HEBP2: variants seen among roughly 807,000 people sequenced by gnomAD.
HEBP2 encodes the protein heme binding protein 2.
A neutral mutation model predicts 23.1 loss-of-function variants in HEBP2; 27 were observed. The ratio of observed to expected loss-of-function variants is 1.17; its 90% CI spans 0.86 to 1.61. HEBP2 has a LOEUF of 1.61. Ranked by LOEUF, HEBP2 falls within the 40% of genes most tolerant of loss-of-function variation. HEBP2 has a pLI of 0.00. For synonymous variants in HEBP2, 99 were observed against 95.1 expected (o/e 1.04, Z -0.24); for missense variants, 245 against 253.8 (o/e 0.97, Z 0.24).
rs1332395454 is a variant in HEBP2, at chr6:138,405,128, T to C, written c.103-17T>C. 2 of 1,603,340 alleles carry C rather than the reference T, an allele frequency of 1.2e-6. No homozygotes were observed. The highest frequency in any genetic ancestry group is 1.7e-6 in the Non-Finnish European group (2 of 1,177,132). On this transcript the variant is annotated splice_polypyrimidine_tract_variant and intron_variant, in intron 1 of 3. Coordinates refer to ENST00000607197, the MANE Select transcript of HEBP2 (RefSeq NM_014320.3). ...CTCTTAGAATTGCTTCTCGAAGTTT[T>C]CTCTGTTCCACTTTAGCCCGGAAGT...
intron 3 of HEBP2, among the ~76,000 whole-genome samples, chr6:138,410,499 G>C (rs1192862868): frequency 8.5e-6 from 1 of 117,962 alleles, no homozygotes; most frequent in African/African-American, 3.2e-5. Context: ...TTTTTTTTCT[G>C]AGATGGAGTT....
In HEBP2 at chr6:138,420,619, T is replaced by C. The variant is rs1164008998; in HGVS notation, c.*7541T>C. 6.6e-6 allele frequency: 1 copy of C among 152,238 alleles called. No homozygotes were observed. The highest frequency in any genetic ancestry group is 1.5e-5 in the Non-Finnish European group (1 of 68,100). 9.4% of individuals were successfully genotyped at this position (152,238 alleles called of 1,614,324 possible). A position where few individuals can be genotyped will look rare whatever the true frequency, so the allele number is the denominator to read the frequency against. On this transcript the variant is annotated 3_prime_UTR_variant, in exon 4 of 4. Coordinates refer to ENST00000607197, the MANE Select transcript of HEBP2 (RefSeq NM_014320.3). Reference sequence around the variant, plus strand: ...CAATGATTTCACTAAATTATGGAAATTGAGAGCATGCTTTTCTGAGGGGGC... The same window carrying C: ...CAATGATTTCACTAAATTATGGAAACTGAGAGCATGCTTTTCTGAGGGGGC...
At position 138,407,488 on chromosome 6, in the gene HEBP2, GC is replaced by G. The variant is rs1774668876; in HGVS notation, c.419+1342del. On this transcript the variant is annotated intron_variant, in intron 3 of 3. Transcript: ENST00000607197. The stretch of plus-strand genomic sequence containing the variant: ...TGAAGCTCTGCTGAACAGAGGTTGG[GC>G]CCCCAAGGCTTCAAGTGGCCCTGGC... Among the ~76,000 whole-genome samples, 5 of 152,226 alleles carry G rather than the reference GC, an allele frequency of 3.3e-5. No homozygotes were observed. In the South Asian group the frequency reaches 1.0e-3, roughly 31 times the overall value.
chr6:138,405,099 T>C, intron 1 of HEBP2, 46 bp from the exon 2 acceptor site: 1 of 1,601,330 alleles, frequency 6.2e-7, no homozygotes, highest in Non-Finnish European at 8.5e-7. Context: ...ATCTCACTCC[T>C]ACCCTCTTAG....
rs79697354 is a variant in HEBP2 at position 138,414,899 on chromosome 6, A to G, written c.*1821A>G. 27 of 152,188 alleles carry G rather than the reference A, an allele frequency of 1.8e-4. No individual in the cohort carries two copies. The highest frequency in any genetic ancestry group is 6.3e-4 in the African/African-American group (26 of 41,448). 9.4% of individuals were successfully genotyped at this position (152,188 alleles called of 1,614,324 possible). Reference sequence around the variant, plus strand: ...CCTAGTGAGACTGTCTGTCCAAAAAATAAAAAATTAGCCAAGCGTGGTGGC... The same window carrying G: ...CCTAGTGAGACTGTCTGTCCAAAAAGTAAAAAATTAGCCAAGCGTGGTGGC... On this transcript the variant is annotated 3_prime_UTR_variant, in exon 4 of 4. Transcript: ENST00000607197.
Position 138,404,226 on chromosome 6 carries a change from T to G in HEBP2, c.-270T>G. 1 of 305,268 alleles carries G rather than the reference T, an allele frequency of 3.3e-6. No individual in the cohort carries two copies. Among genetic ancestry groups the G allele is most frequent in the Non-Finnish European group, 6.0e-6 (1 of 167,128 alleles). The allele number at this position is 305,268 out of a possible 1,614,324, so 18.9% of individuals were successfully genotyped here. ...CGGGCCGAAGCGAGGTGCGGCTCCCTGTCGCCGCGGAGGGGCGGGGGCAGG... is the reference window on the plus strand; with the variant it reads ...CGGGCCGAAGCGAGGTGCGGCTCCCGGTCGCCGCGGAGGGGCGGGGGCAGG... On this transcript the variant is annotated 5_prime_UTR_variant, in exon 1 of 4. Coordinates refer to ENST00000607197, the MANE Select transcript of HEBP2 (RefSeq NM_014320.3).
At chr6:138,406,941 G>C (rs1774656027) in intron 3 of HEBP2, among the ~76,000 whole-genome samples, 1 of 152,106 alleles carries the variant, frequency 6.6e-6, no homozygotes, top group Non-Finnish European at 1.5e-5. Context: ...TGAGGTAGGA[G>C]GATCACTTGG....
chr6:138,417,642 G>A lies in HEBP2; in HGVS notation c.*4564G>A, dbSNP rs1161186276. On this transcript the variant is annotated 3_prime_UTR_variant, in exon 4 of 4. Transcript: ENST00000607197. Reference sequence around the variant, plus strand: ...ACCAGTGGTCCTGCTGTGTTGAGGAGATGGAGATCAGTGTCACCGGAGGCC... The same window carrying A: ...ACCAGTGGTCCTGCTGTGTTGAGGAAATGGAGATCAGTGTCACCGGAGGCC... 2 of 152,532 alleles carry A rather than the reference G, an allele frequency of 1.3e-5. No homozygotes were observed. The highest frequency in any genetic ancestry group is 3.8e-4 in the East Asian group (2 of 5,196). The allele number at this position is 152,532 out of a possible 1,614,324, so 9.4% of individuals were successfully genotyped here.
upstream of HEBP2, chr6:138,404,169 CG>C (rs1774587756): frequency 4.1e-6 from 1 of 244,716 alleles, no homozygotes; most frequent in African/African-American, 2.7e-5. Flanking sequence ...AAAACAAAGG[CG>C]GGGCGGGGGC....
rs1424865060 is a variant in HEBP2, at chr6:138,405,986, T to C, written c.254T>C (p.Met85Thr). 3 of 1,611,962 alleles carry C rather than the reference T, an allele frequency of 1.9e-6. No individual in the cohort carries two copies. Among genetic ancestry groups the C allele is most frequent in the Admixed American group, 3.4e-5 (2 of 59,524 alleles). Residue 85 changes from methionine to threonine, a missense_variant, in exon 3 of 4, where the codon ATG becomes ACG. Met to Thr is a moderately conservative substitution (Grantham distance 81). Transcript: ENST00000607197. ...GKNEKEMKIKMTAPVTSYVEP... is the reference protein window; with the variant it reads ...GKNEKEMKIKTTAPVTSYVEP... Reference sequence around the variant, plus strand: ...TATGTCACAGAGATGAAAATAAAGATGACAGCTCCAGTGACAAGCTACGTG... The same window carrying C: ...TATGTCACAGAGATGAAAATAAAGACGACAGCTCCAGTGACAAGCTACGTG...
At chr6:138,409,452 C>T (rs1037666078) in intron 3 of HEBP2, among the ~76,000 whole-genome samples, 3 of 152,234 alleles carry the variant, frequency 2.0e-5, no homozygotes, top group Non-Finnish European at 2.9e-5. Context: ...TTGTGACTTA[C>T]TCGGGTCTTC....
rs1190735010 is a variant in HEBP2, at chr6:138,414,099, A to T, written c.*1021A>T. The T allele has an allele frequency of 1.3e-5, 2 of 152,472 alleles. No homozygotes were observed. The highest frequency in any genetic ancestry group is 4.8e-5 in the African/African-American group (2 of 41,456). 9.4% of individuals were successfully genotyped at this position (152,472 alleles called of 1,614,324 possible). On this transcript the variant is annotated 3_prime_UTR_variant, in exon 4 of 4. Coordinates refer to ENST00000607197, the MANE Select transcript of HEBP2 (RefSeq NM_014320.3). ...CTCTCAAGAGACAGTTGAGACTTGAATGACGAGGATGAGTCAGATGAAAGC... is the reference window on the plus strand; with the variant it reads ...CTCTCAAGAGACAGTTGAGACTTGATTGACGAGGATGAGTCAGATGAAAGC...
At chr6:138,411,995 C>T (rs928623022) in intron 3 of HEBP2, 15 of 411,428 alleles carry the variant, frequency 3.6e-5, no homozygotes, top group Admixed American at 1.2e-4. Flanking sequence ...GCTGCCAGAA[C>T]GTTGATCTCT....
chr6:138,408,961 C>T (rs1413314788), intron 3 of HEBP2, among the ~76,000 whole-genome samples: 1 of 152,184 alleles, frequency 6.6e-6, no homozygotes, highest in Non-Finnish European at 1.5e-5. Flanking sequence ...TGCCCAATTC[C>T]CACATCTCTG....
At chr6:138,410,203 T>C (rs1279049780) in intron 3 of HEBP2, among the ~76,000 whole-genome samples, 1 of 152,204 alleles carries the variant, frequency 6.6e-6, no homozygotes, top group Non-Finnish European at 1.5e-5. Context: ...AGCATGTTAC[T>C]ATGTCCATAT....
Position 138,413,138 on chromosome 6 carries a change from C to A in HEBP2, c.*60C>A. On this transcript the variant is annotated 3_prime_UTR_variant, in exon 4 of 4. Coordinates refer to ENST00000607197, the MANE Select transcript of HEBP2 (RefSeq NM_014320.3). Reference sequence around the variant, plus strand: ...AACATCTGTTTATCATAGACATCAACATGACCTATAAGTAAAGTGCGTGTC... The same window carrying A: ...AACATCTGTTTATCATAGACATCAAAATGACCTATAAGTAAAGTGCGTGTC... 1 of 1,316,100 alleles carries A rather than the reference C, an allele frequency of 7.6e-7. No homozygotes were observed. The highest frequency in any genetic ancestry group is 1.1e-6 in the Non-Finnish European group (1 of 916,802). The allele number at this position is 1,316,100 out of a possible 1,614,324, so 81.5% of individuals were successfully genotyped here.
At position 138,404,389 on chromosome 6, in the gene HEBP2, G is replaced by A; in HGVS notation, c.-107G>A. ...GGCCGGGAGGAGGGACCGGGTCTGC[G>A]GAGCGGGGACTCGGGGCCTCGGCGG... On this transcript the variant is annotated 5_prime_UTR_variant, in exon 1 of 4. Coordinates refer to ENST00000607197, the MANE Select transcript of HEBP2 (RefSeq NM_014320.3). The A allele has an allele frequency of 2.9e-6, 2 of 690,788 alleles. No homozygotes were observed. Among genetic ancestry groups the A allele is most frequent in the Non-Finnish European group, 4.0e-6 (2 of 505,304 alleles). The allele number at this position is 690,788 out of a possible 1,614,324, so 42.8% of individuals were successfully genotyped here. A position where few individuals can be genotyped will look rare whatever the true frequency, so the allele number is the denominator to read the frequency against.
At position 138,416,965 on chromosome 6, in the gene HEBP2, A is replaced by G. The variant is rs1422413638; in HGVS notation, c.*3887A>G. ...CAACATTTCAGCAGGTGTACACAGTAATGATCCCCTCATTCTTTTTCTAAA... is the reference window on the plus strand; with the variant it reads ...CAACATTTCAGCAGGTGTACACAGTGATGATCCCCTCATTCTTTTTCTAAA... On this transcript the variant is annotated 3_prime_UTR_variant, in exon 4 of 4. Coordinates refer to ENST00000607197, the MANE Select transcript of HEBP2 (RefSeq NM_014320.3). The G allele has an allele frequency of 6.6e-6, 1 of 152,190 alleles. No individual in the cohort carries two copies. The highest frequency in any genetic ancestry group is 1.5e-5 in the Non-Finnish European group (1 of 68,034). The allele number at this position is 152,190 out of a possible 1,614,324, so 9.4% of individuals were successfully genotyped here. A position where few individuals can be genotyped will look rare whatever the true frequency, so the allele number is the denominator to read the frequency against.
chr6:138,411,803 T>A (rs1003101266), intron 3 of HEBP2, among the ~76,000 whole-genome samples: 1 of 152,124 alleles, frequency 6.6e-6, no homozygotes, highest in African/African-American at 2.4e-5. Flanking sequence ...ACAGGTTTTT[T>A]AAAAAATTAG....
Sources: allele counts gnomAD v4.1 joint callset (sites outside exome capture counted in the v4.1 genomes callset), GRCh38; gene constraint gnomAD v4.1.1; transcripts MANE v1.5; gene names NCBI Gene and HGNC (gene_info 2026-07-23, HGNC 2026-07-21).